HPSE2: variants seen among roughly 807,000 people sequenced by gnomAD.
HPSE2 encodes the protein heparanase 2 (inactive).
Under a neutral mutation model 60.5 loss-of-function variants are expected in HPSE2, and 38 were observed. The observed-to-expected ratio is 0.63, with a 90% confidence interval of 0.48 to 0.82. HPSE2 has a LOEUF of 0.82. Ranked by LOEUF, HPSE2 falls within the 40% of genes least tolerant of loss-of-function variation. The pLI is 0.00. For synonymous variants in HPSE2, 295 were observed against 293.2 expected (o/e 1.01, Z -0.06); for missense variants, 713 against 740.4 (o/e 0.96, Z 0.43).
chr10:98,795,718 C>T (rs1253050334), intron 3 of HPSE2, among the ~76,000 whole-genome samples: 1 of 152,142 alleles, frequency 6.6e-6, no homozygotes, highest in African/African-American at 2.4e-5. Flanking sequence ...GTGCTTGTGC[C>T]GCCACTCCCC....
chr10:98,630,664 CCT>C (rs1946345179), intron 7 of HPSE2, among the ~76,000 whole-genome samples: 1 of 152,036 alleles, frequency 6.6e-6, no homozygotes, highest in South Asian at 2.1e-4. Context: ...TTTGGACCTA[CCT>C]CTGACCTTGA....
chr10:99,050,049 A>C (rs1394276795), intron 3 of HPSE2, among the ~76,000 whole-genome samples: 3 of 152,242 alleles, frequency 2.0e-5, no homozygotes, highest in Non-Finnish European at 4.4e-5. Flanking sequence ...CTATAATTCC[A>C]GCACTTTGGG....
At chr10:98,651,582 C>T (rs1306906596) in intron 6 of HPSE2, among the ~76,000 whole-genome samples, 1 of 152,010 alleles carries the variant, frequency 6.6e-6, no homozygotes, top group Non-Finnish European at 1.5e-5. Context: ...TTTTTTCCCT[C>T]CAATCTCCTA....
intron 3 of HPSE2, among the ~76,000 whole-genome samples, chr10:99,023,923 CTG>C (rs1487124441): frequency 6.6e-6 from 1 of 152,248 alleles, no homozygotes. Context: ...TAACTCTTCA[CTG>C]TGCACACACC....
intron 3 of HPSE2, among the ~76,000 whole-genome samples, chr10:98,909,077 G>A (rs975986653): frequency 7.9e-5 from 12 of 152,098 alleles, no homozygotes; most frequent in Non-Finnish European, 1.8e-4. Flanking sequence ...AGGTAACTTT[G>A]AGGCAACAAA....
chr10:98,854,419 G>A (rs924594633), intron 3 of HPSE2, among the ~76,000 whole-genome samples: 13 of 152,100 alleles, frequency 8.5e-5, no homozygotes, highest in African/African-American at 3.1e-4. Context: ...GCTGTAACAG[G>A]TCAGCATTTC....
chr10:98,596,499 C>T (rs545991206), intron 9 of HPSE2, among the ~76,000 whole-genome samples: 2 of 151,322 alleles, frequency 1.3e-5, no homozygotes, highest in Non-Finnish European at 2.9e-5. Context: ...TGAAGCATCC[C>T]TTTAGCATTT....
intron 3 of HPSE2, among the ~76,000 whole-genome samples, chr10:98,947,243 CA>C (rs1308673048): frequency 6.6e-6 from 1 of 152,076 alleles, no homozygotes; most frequent in African/African-American, 2.4e-5. Flanking sequence ...AAAATTTTTG[CA>C]AAATACCTTC....
chr10:99,051,273 A>G (rs1046288893), intron 3 of HPSE2, among the ~76,000 whole-genome samples: 1 of 152,178 alleles, frequency 6.6e-6, no homozygotes, highest in Non-Finnish European at 1.5e-5. Flanking sequence ...ACAGAGTGCA[A>G]TATTTGCTTT....
rs547188655 is a variant in HPSE2 at position 98,720,862 on chromosome 10, A to G, written c.956+795T>C. ...TGAAGCAATGAGTAAAAAATGCAGC[A>G]CTCAAAATGATGCATATACAATGAT... On this transcript the variant is annotated intron_variant, in intron 5 of 11. Transcript: ENST00000370552. 1.3e-4 allele frequency among the ~76,000 whole-genome samples: 20 copies of G among 152,276 alleles called. No homozygotes were observed. In the East Asian group the frequency reaches 3.5e-3, roughly 26 times the overall value.
intron 9 of HPSE2, among the ~76,000 whole-genome samples, chr10:98,607,741 T>C (rs1945634303): frequency 6.6e-6 from 1 of 152,234 alleles, no homozygotes; most frequent in Non-Finnish European, 1.5e-5. Flanking sequence ...TTTCATCCTT[T>C]AGTCATCATT....
At chr10:98,720,844 AT>A (rs1948904502) in intron 5 of HPSE2, among the ~76,000 whole-genome samples, 1 of 152,316 alleles carries the variant, frequency 6.6e-6, no homozygotes, top group East Asian at 1.9e-4. Context: ...ATGTGAAGCA[AT>A]GAGTAAAAAA....
At chr10:98,614,130 T>C (rs574818288) in intron 9 of HPSE2, among the ~76,000 whole-genome samples, 1 of 152,304 alleles carries the variant, frequency 6.6e-6, no homozygotes, top group South Asian at 2.1e-4. Context: ...CTAGTGTGTC[T>C]GATCTTGGAT....
chr10:98,736,015 G>C (rs953589374), intron 4 of HPSE2, among the ~76,000 whole-genome samples: 2 of 152,068 alleles, frequency 1.3e-5, no homozygotes, highest in Non-Finnish European at 1.5e-5. Flanking sequence ...GCCAGGGGTA[G>C]AATGATATGG....
At chr10:99,184,014 G>T (rs751567665) in intron 2 of HPSE2, among the ~76,000 whole-genome samples, 3 of 151,712 alleles carry the variant, frequency 2.0e-5, no homozygotes, top group Non-Finnish European at 4.4e-5. Flanking sequence ...CTGACTCCAA[G>T]GAACTTAACT....
chr10:98,682,582 C>T (rs1002464746), intron 6 of HPSE2, among the ~76,000 whole-genome samples: 2 of 152,028 alleles, frequency 1.3e-5, no homozygotes, highest in Non-Finnish European at 1.5e-5. Context: ...GCTCACTGCC[C>T]CTTCCCACCA....
At chr10:98,839,810 T>C (rs1951869709) in intron 3 of HPSE2, among the ~76,000 whole-genome samples, 1 of 152,058 alleles carries the variant, frequency 6.6e-6, no homozygotes, top group South Asian at 2.1e-4. Context: ...GTAGGGAAAG[T>C]GCTACCAGGA....
intron 3 of HPSE2, among the ~76,000 whole-genome samples, chr10:98,899,791 T>A (rs1325808854): frequency 6.6e-6 from 1 of 151,770 alleles, no homozygotes; most frequent in African/African-American, 2.4e-5. Flanking sequence ...GAGTTTCGTT[T>A]GTTTGTTTGC....
At chr10:99,109,675 T>C (rs145311392) in intron 3 of HPSE2, among the ~76,000 whole-genome samples, 49 of 152,254 alleles carry the variant, frequency 3.2e-4, no homozygotes, top group African/African-American at 1.2e-3. Context: ...GGCTACAAAA[T>C]CAATGTGGGC....
Sources: allele counts gnomAD v4.1 joint callset (sites outside exome capture counted in the v4.1 genomes callset), GRCh38; gene constraint gnomAD v4.1.1; transcripts MANE v1.5; gene names NCBI Gene and HGNC (gene_info 2026-07-23, HGNC 2026-07-21).